Variants in MCTP1 observed in about 807,000 individuals in gnomAD.
MCTP1 encodes multiple C2 and transmembrane domain containing 1, also known as multiple C2 and transmembrane domain-containing protein 1.
A neutral mutation model predicts 120.6 loss-of-function variants in MCTP1; 69 were observed. That is an observed-to-expected ratio of 0.57 (90% CI 0.47 to 0.70). MCTP1 has a LOEUF of 0.70. Ranked by LOEUF, MCTP1 falls within the 30% of genes least tolerant of loss-of-function variation. The pLI is 0.00. For synonymous variants in MCTP1, 529 were observed against 493.1 expected (o/e 1.07, Z -0.96); for missense variants, 1,203 against 1,248.8 (o/e 0.96, Z 0.55).
chr5:94,982,182 A>G (rs1023990971), intron 2 of MCTP1, among the ~76,000 whole-genome samples: 1 of 152,152 alleles, frequency 6.6e-6, no homozygotes, highest in Non-Finnish European at 1.5e-5. Context: ...GGATTTTTAC[A>G]TTTCTTATCT....
Position 94,888,964 on chromosome 5 carries a change from C to T in MCTP1, c.1848G>A (p.Leu616=). The change falls in exon 12 of 23, where the codon TTG becomes TTA. Residue 616 remains leucine (L), a synonymous_variant. Transcript: ENST00000515393. Reference sequence around the variant, plus strand: ...CATCTTTCAGGTTGTGAAATATCCTCAATGGGCTCTGAAAGACCCCAACAT... The same window carrying T: ...CATCTTTCAGGTTGTGAAATATCCTTAATGGGCTCTGAAAGACCCCAACAT... ...REEILKRYSP[L]RIFHNLKDVG... is the part of the protein sequence containing the mutation. 6.2e-7 allele frequency: 1 copy of T among 1,612,188 alleles called. No individual in the cohort carries two copies. The highest frequency in any genetic ancestry group is 1.1e-5 in the South Asian group (1 of 91,040).
At chr5:94,857,101 G>T (rs1794862146) in intron 17 of MCTP1, among the ~76,000 whole-genome samples, 1 of 151,650 alleles carries the variant, frequency 6.6e-6, no homozygotes, top group Non-Finnish European at 1.5e-5. Flanking sequence ...ACCCTTTTAT[G>T]ATGCCTGATA....
intron 2 of MCTP1, among the ~76,000 whole-genome samples, chr5:94,967,859 C>T (rs1324752755): frequency 6.6e-6 from 1 of 152,184 alleles, no homozygotes; most frequent in African/African-American, 2.4e-5. Context: ...ATTTTCTCTG[C>T]TTTGTTTTGA....
chr5:95,186,281 GA>G (rs1053012598), intron 1 of MCTP1, among the ~76,000 whole-genome samples: 21 of 136,628 alleles, frequency 1.5e-4, no homozygotes, highest in East Asian at 4.3e-4. Context: ...AGAAAAAAAA[GA>G]AAAAAAAAAC....
chr5:94,961,413 A>C (rs1164013309), intron 2 of MCTP1, among the ~76,000 whole-genome samples: 1 of 152,132 alleles, frequency 6.6e-6, no homozygotes, highest in African/African-American at 2.4e-5. Flanking sequence ...CTTAAAGTAT[A>C]ATTTAAAAAA....
At chr5:95,222,831 A>G (rs1003088268) in intron 1 of MCTP1, among the ~76,000 whole-genome samples, 1 of 152,262 alleles carries the variant, frequency 6.6e-6, no homozygotes, top group Non-Finnish European at 1.5e-5. Context: ...CATAATTAAT[A>G]TACATAGACT....
At chr5:95,241,658 G>A (rs190740893) in intron 1 of MCTP1, among the ~76,000 whole-genome samples, 18 of 152,238 alleles carry the variant, frequency 1.2e-4, no homozygotes, top group Admixed American at 9.8e-4. Context: ...AGAACATAGT[G>A]CTCCTGCAAA....
chr5:94,790,432 A>AG (rs1172684564), intron 18 of MCTP1, among the ~76,000 whole-genome samples: 1 of 152,216 alleles, frequency 6.6e-6, no homozygotes, highest in Non-Finnish European at 1.5e-5. Flanking sequence ...AGAGAGCACG[A>AG]GGGGAAATGC....
rs1051085217 is a variant in MCTP1, at chr5:95,284,937, T to G, written c.-362A>C. Among the ~76,000 whole-genome samples, 1 of 152,026 alleles carries G rather than the reference T, an allele frequency of 6.6e-6. No homozygotes were observed. ...CCCCAGGCCGCGCCCTGGCTCCCTC[T>G]TCTCTCTGACCGAGCTCGGGAAGCT... On this transcript the variant is annotated 5_prime_UTR_variant, in exon 1 of 23. Transcript: ENST00000515393. This position sits in a 1 kb window ranked among gnomAD's most constrained non-coding sequence, Gnocchi z 5.2.
At position 94,953,138 on chromosome 5, in the gene MCTP1, A is replaced by G. The variant is rs995305360; in HGVS notation, c.981+81T>C. 10 of 1,315,128 alleles carry G rather than the reference A, an allele frequency of 7.6e-6. No individual in the cohort carries two copies. In the East Asian group the frequency reaches 2.5e-4, roughly 33 times the overall value. The allele number at this position is 1,315,128 out of a possible 1,614,324, so 81.5% of individuals were successfully genotyped here. ...CACATCTCTGGTGAAAACTCTCATC[A>G]GACAAAGAAACATGATAAAACCCAG... On this transcript the variant is annotated intron_variant, in intron 3 of 22. Transcript: ENST00000515393.
At chr5:95,134,658 C>A (rs1759300458) in intron 1 of MCTP1, among the ~76,000 whole-genome samples, 1 of 152,086 alleles carries the variant, frequency 6.6e-6, no homozygotes, top group Admixed American at 6.6e-5. Context: ...CCAAAAGCAG[C>A]AAGAGAAACA....
chr5:95,252,661 T>A (rs1757490947), intron 1 of MCTP1, among the ~76,000 whole-genome samples: 1 of 152,118 alleles, frequency 6.6e-6, no homozygotes, highest in African/African-American at 2.4e-5. Context: ...GGATCTACTT[T>A]CACACTTTAA....
At chr5:95,254,945 G>A (rs1016965633) in intron 1 of MCTP1, among the ~76,000 whole-genome samples, 4 of 152,122 alleles carry the variant, frequency 2.6e-5, no homozygotes, top group African/African-American at 9.7e-5. Context: ...AATAAAATGA[G>A]TCAAAACCAG....
intron 1 of MCTP1, among the ~76,000 whole-genome samples, chr5:95,225,034 A>G (rs1754102808): frequency 6.6e-6 from 1 of 152,190 alleles, no homozygotes; most frequent in Admixed American, 6.5e-5. Context: ...ATAAAGTAAA[A>G]CCTAAAGATT....
intron 17 of MCTP1, among the ~76,000 whole-genome samples, chr5:94,861,192 C>T (rs1795713197): frequency 6.6e-6 from 1 of 151,792 alleles, no homozygotes; most frequent in Non-Finnish European, 1.5e-5. Context: ...CACTCACAGA[C>T]CCACCTGTAG....
intron 19 of MCTP1, among the ~76,000 whole-genome samples, chr5:94,744,596 C>T (rs961096416): frequency 3.9e-5 from 6 of 152,168 alleles, no homozygotes; most frequent in African/African-American, 1.4e-4. Context: ...CTCTGTCTCC[C>T]AGGTTCAAGG....
intron 1 of MCTP1, among the ~76,000 whole-genome samples, chr5:95,223,867 T>C (rs1384817921): frequency 1.3e-5 from 2 of 152,232 alleles, no homozygotes; most frequent in Non-Finnish European, 2.9e-5. Flanking sequence ...ACCTGAATTG[T>C]CCCTACAACT....
At chr5:95,030,638 A>G (rs982164895) in intron 1 of MCTP1, among the ~76,000 whole-genome samples, 1 of 152,224 alleles carries the variant, frequency 6.6e-6, no homozygotes, top group Non-Finnish European at 1.5e-5. Flanking sequence ...CATGCACCAC[A>G]GTCATACCCT....
chr5:95,251,506 T>A (rs934531808), intron 1 of MCTP1, among the ~76,000 whole-genome samples: 5 of 152,156 alleles, frequency 3.3e-5, no homozygotes, highest in South Asian at 2.1e-4. Context: ...GTAATTTTTT[T>A]AAACACGTTT....
Sources: gnomAD v4.1 joint callset for allele counts (sites outside exome capture counted in the v4.1 genomes callset) on GRCh38, gnomAD v4.1.1 for gene constraint, Gnocchi (gnomAD v3.1) non-coding constraint, MANE v1.5 for transcripts, NCBI Gene and HGNC (gene_info 2026-07-23, HGNC 2026-07-21) for gene names.